Variants in SPG11 observed in about 807,000 individuals in gnomAD.
SPG11 encodes SPG11 vesicle trafficking associated, spatacsin.
A neutral mutation model predicts 274.0 loss-of-function variants in SPG11; 222 were observed. The ratio of observed to expected loss-of-function variants is 0.81; its 90% CI spans 0.73 to 0.91. The LOEUF (loss-of-function observed/expected upper bound fraction) is 0.91. Ranked by LOEUF, SPG11 falls within the 40% of genes least tolerant of loss-of-function variation. The pLI is 0.00. For missense variants in SPG11, 3,114 were observed against 2,872.7 expected (o/e 1.08, Z -1.92); for synonymous variants, 1,144 against 1,039.7 (o/e 1.10, Z -1.93).
At chr15:44,567,273 C>A in intron 36 of SPG11, 151 bp downstream of exon 36, 1 of 737,146 alleles carries the variant, frequency 1.4e-6, no homozygotes, top group Non-Finnish European at 2.2e-6. Context: ...ATCACTTGAA[C>A]CTGGGAGGCG....
In SPG11 at chr15:44,622,221, T is replaced by C. The variant is rs1271477449; in HGVS notation, c.2443A>G (p.Arg815Gly). Residue 815 changes from arginine (R) to glycine (G), a missense_variant and splice_region_variant, in exon 13 of 40, where the codon AGG (arginine) becomes GGG (glycine). Arg to Gly is a moderately radical substitution (Grantham distance 125). Transcript: ENST00000261866. ...QENMQIQSFP[R>G]YWIKEQDFFK... ...TCAAAAGAGGACTAATGAGACTACC[T>C]GGGAAATGACTGGATTTGCATATTT... 5 of 1,612,374 alleles carry C rather than the reference T, an allele frequency of 3.1e-6. No homozygotes were observed. Among genetic ancestry groups the C allele is most frequent in the Non-Finnish European group, 4.2e-6 (5 of 1,178,706 alleles).
intron 3 of SPG11, among the ~76,000 whole-genome samples, chr15:44,658,814 G>A (rs764668975): frequency 7.2e-5 from 11 of 152,108 alleles, no homozygotes; most frequent in Non-Finnish European, 1.0e-4. Context: ...AGGTAATGCA[G>A]AGAATATACA....
chr15:44,624,952 T>A (rs2083856758), intron 11 of SPG11, among the ~76,000 whole-genome samples: 1 of 151,986 alleles, frequency 6.6e-6, no homozygotes, highest in Non-Finnish European at 1.5e-5. Context: ...CTGACCAACA[T>A]GGAGAAACCC....
At chr15:44,653,246 G>C (rs545895613) in intron 4 of SPG11, among the ~76,000 whole-genome samples, 2 of 152,100 alleles carry the variant, frequency 1.3e-5, no homozygotes, top group Admixed American at 1.3e-4. Flanking sequence ...ATGCAGCAGA[G>C]TAGCTAGGGG....
intron 4 of SPG11, among the ~76,000 whole-genome samples, chr15:44,655,398 A>G (rs1310643230): frequency 6.6e-6 from 1 of 152,204 alleles, no homozygotes; most frequent in South Asian, 2.1e-4. Flanking sequence ...AGTGCTCCCA[A>G]GTAGAGAAAA....
Position 44,573,748 on chromosome 15 carries a change from G to A in SPG11, c.6007-3C>T, listed in dbSNP as rs1410926036. The A allele has an allele frequency of 1.2e-6, 2 of 1,614,058 alleles. No individual in the cohort carries two copies. Among genetic ancestry groups the A allele is most frequent in the African/African-American group, 1.3e-5 (1 of 74,926 alleles). On this transcript the variant is annotated splice_polypyrimidine_tract_variant and splice_region_variant and intron_variant, in intron 31 of 39. Transcript: ENST00000261866. ...TCTGTGTAGGAACAGCCCAACTCCT[G>A]AGAGGAAGACAAAGCCAGTCAAGGC...
chr15:44,617,417 C>T (rs562638052), intron 15 of SPG11, among the ~76,000 whole-genome samples: 12 of 152,308 alleles, frequency 7.9e-5, no homozygotes, highest in Non-Finnish European at 1.5e-4. Flanking sequence ...GGAGGGGAAT[C>T]TGATTAGATT....
rs959317901 is a variant in SPG11 at position 44,628,704 on chromosome 15, T to C, written c.2032A>G (p.Lys678Glu). The C allele has an allele frequency of 6.2e-7, 1 of 1,613,802 alleles. No homozygotes were observed. The highest frequency in any genetic ancestry group is 8.5e-7 in the Non-Finnish European group (1 of 1,179,928). ...AGTTTCTTCCATATATTGCTCTCCTTTACTTTGGGGACATTTTCATGTACA... is the reference window on the plus strand; with the variant it reads ...AGTTTCTTCCATATATTGCTCTCCTCTACTTTGGGGACATTTTCATGTACA... ...YDVHENVPKV[K>E]ESNIWKKLSF... Residue 678 changes from lysine to glutamate, a missense_variant, in exon 10 of 40, where the codon AAG becomes GAG. Coordinates refer to ENST00000261866, the MANE Select transcript of SPG11 (RefSeq NM_025137.4).
intron 30 of SPG11, among the ~76,000 whole-genome samples, chr15:44,581,358 CA>C (rs972586790): frequency 6.6e-6 from 1 of 151,924 alleles, no homozygotes; most frequent in Non-Finnish European, 1.5e-5. Flanking sequence ...AGGCATGTGC[CA>C]ACACACCTGG....
In SPG11 at chr15:44,636,020, C is replaced by T. The variant is rs144292891; in HGVS notation, c.1603-2383G>A. ...AAGCTGTGGACTGCAAAACCCTGCC[C>T]CTAGACCTTCTAATTCAATAGATAT... On this transcript the variant is annotated intron_variant, in intron 7 of 39. Coordinates refer to ENST00000261866, the MANE Select transcript of SPG11 (RefSeq NM_025137.4). 1.0e-3 allele frequency among the ~76,000 whole-genome samples: 159 copies of T among 152,184 alleles called. 1 individual carries two copies. Among genetic ancestry groups the T allele is most frequent in the African/African-American group, 3.1e-3 (127 of 41,526 alleles).
rs147423340 is a variant in SPG11, at chr15:44,587,740, CAAAT to C, written c.4906+1508_4906+1511del. Among the ~76,000 whole-genome samples the C allele has an allele frequency of 4.3e-3, 577 of 133,740 alleles. 17 individuals carry two copies. The highest frequency in any genetic ancestry group is 0.016 in the African/African-American group (551 of 34,250). 87.7% of individuals were successfully genotyped at this position (133,740 alleles called of 152,430 possible). On this transcript the variant is annotated intron_variant, in intron 28 of 39. Coordinates refer to ENST00000261866, the MANE Select transcript of SPG11 (RefSeq NM_025137.4). Reference sequence around the variant, plus strand: ...AAAAAACGTATTCCTGTTCTCTAAGCAAATAAATGTTAAATACGCACACATAGTA... The same window carrying C: ...AAAAAACGTATTCCTGTTCTCTAAGCAAATGTTAAATACGCACACATAGTA...
rs56776994 is a variant in SPG11, at chr15:44,635,595, CAAAAAAAAAAAA to C, written c.1603-1970_1603-1959del. Among the ~76,000 whole-genome samples the C allele has an allele frequency of 2.4e-3, 131 of 54,110 alleles. 1 individual carries two copies. The highest frequency in any genetic ancestry group is 5.8e-3 in the Admixed American group (20 of 3,444). 35.5% of individuals were successfully genotyped at this position (54,110 alleles called of 152,430 possible). ...TACTCCAGCCTATGCAACCCTGTCT[CAAAAAAAAAAAA>C]AAAAAAAAAAAAAGAAAAAAGGAAA... On this transcript the variant is annotated intron_variant, in intron 7 of 39. Coordinates refer to ENST00000261866, the MANE Select transcript of SPG11 (RefSeq NM_025137.4).
At chr15:44,647,991 C>T (rs1567188073) in intron 7 of SPG11, among the ~76,000 whole-genome samples, 1 of 152,136 alleles carries the variant, frequency 6.6e-6, no homozygotes, top group Admixed American at 6.6e-5. Context: ...GCAGAAGGTA[C>T]CCTGCCCTTG....
At chr15:44,578,051 G>A (rs2082580048) in intron 30 of SPG11, among the ~76,000 whole-genome samples, 1 of 142,658 alleles carries the variant, frequency 7.0e-6, no homozygotes, top group South Asian at 2.3e-4. Context: ...TTGAGACGGA[G>A]TCTCGCTCTG....
Position 44,564,691 on chromosome 15 carries a change from A to G in SPG11, c.7007T>C (p.Ile2336Thr). 1 of 1,614,218 alleles carries G rather than the reference A, an allele frequency of 6.2e-7. No individual in the cohort carries two copies. The highest frequency in any genetic ancestry group is 8.5e-7 in the Non-Finnish European group (1 of 1,180,038). The stretch of plus-strand genomic sequence containing the variant: ...AACAAAATCGTAGGCCTCAGCCACA[A>G]TAGAAGCCTTAAAAGGAGAGGTGAA... ...LALPRFYQAS[I>T]VAEAYDFVPD... Residue 2336 changes from isoleucine (I) to threonine (T), a missense_variant, in exon 39 of 40, where the codon ATT becomes ACT. Physicochemically the swap from Ile to Thr is moderately conservative, Grantham distance 89. Transcript: ENST00000261866.
intron 19 of SPG11, among the ~76,000 whole-genome samples, chr15:44,607,047 CT>C (rs2083339071): frequency 6.6e-6 from 1 of 152,206 alleles, no homozygotes; most frequent in Non-Finnish European, 1.5e-5. Context: ...AGGTAAGACA[CT>C]TCTGTCAGTA....
At chr15:44,628,638 A>G in intron 10 of SPG11, 31 bp downstream of exon 10, 1 of 1,591,912 alleles carries the variant, frequency 6.3e-7, no homozygotes, top group Non-Finnish European at 8.6e-7. Context: ...GAATCTGGCA[A>G]ATAAAAGAAG....
chr15:44,584,520 CTGTTCAATG>C lies in SPG11; in HGVS notation c.5151_5159del (p.His1717_Glu1719del). ...CAATTCTTGCTTGTTTTAGTGACCA[CTGTTCAATG>C]TGTTTTAGGGTCTGCATTTCCTGTG... On this transcript the variant is annotated inframe_deletion, in exon 30 of 40. Transcript: ENST00000261866. The C allele has an allele frequency of 6.2e-7, 1 of 1,613,084 alleles. No homozygotes were observed. The highest frequency in any genetic ancestry group is 8.5e-7 in the Non-Finnish European group (1 of 1,180,022).
At chr15:44,632,645 G>T (rs903847767) in intron 8 of SPG11, among the ~76,000 whole-genome samples, 31 of 152,106 alleles carry the variant, frequency 2.0e-4, no homozygotes, top group African/African-American at 7.2e-4. Flanking sequence ...AAGTAGTTGG[G>T]ACTATGGATG....
Sources: gnomAD v4.1 joint callset for allele counts (sites outside exome capture counted in the v4.1 genomes callset) on GRCh38, gnomAD v4.1.1 for gene constraint, MANE v1.5 for transcripts, NCBI Gene and HGNC (gene_info 2026-07-23, HGNC 2026-07-21) for gene names.